LPGAT1: variants seen among roughly 807,000 people sequenced by gnomAD.
LPGAT1 encodes the protein lysophosphatidylglycerol acyltransferase 1.
Under a neutral mutation model 47.5 loss-of-function variants are expected in LPGAT1, and 11 were observed. The observed-to-expected ratio is 0.23, with a 90% CI of 0.15 to 0.38. LPGAT1 has a LOEUF of 0.38. Ranked by LOEUF, LPGAT1 falls within the 10% of genes least tolerant of loss-of-function variation. The pLI is 1.00. For synonymous variants in LPGAT1, 138 were observed against 144.2 expected (o/e 0.96, Z 0.31); for missense variants, 293 against 439.0 (o/e 0.67, Z 2.97).
intron 6 of LPGAT1, among the ~76,000 whole-genome samples, chr1:211,768,503 C>T (rs1658032394): frequency 2.0e-5 from 3 of 152,136 alleles, no homozygotes; most frequent in Non-Finnish European, 4.4e-5. Flanking sequence ...AAAGGAACAA[C>T]ATTTATCGTT....
chr1:211,750,238 C>T (rs1273796183), intron 7 of LPGAT1, among the ~76,000 whole-genome samples, 188 bp from the exon 8 acceptor site: 1 of 152,176 alleles, frequency 6.6e-6, no homozygotes, highest in Non-Finnish European at 1.5e-5. Flanking sequence ...TGCCTCTGAG[C>T]CTTTGCCTTT....
Position 211,756,053 on chromosome 1 carries a change from T to C in LPGAT1, c.855-4986A>G, listed in dbSNP as rs189121873. Among the ~76,000 whole-genome samples the C allele has an allele frequency of 8.5e-4, 129 of 152,222 alleles. 1 individual carries two copies. Among genetic ancestry groups the C allele is most frequent in the African/African-American group, 3.0e-3 (125 of 41,558 alleles). ...GGGTTTGAGACAAGCCTGGCCAATA[T>C]GGTGAAATCCCGTCTCTACTAAAAA... On this transcript the variant is annotated intron_variant, in intron 6 of 7. Coordinates refer to ENST00000366997, the MANE Select transcript of LPGAT1 (RefSeq NM_014873.3).
rs1657005625 is a variant in LPGAT1, at chr1:211,747,867, T to G, written c.*2032A>C. On this transcript the variant is annotated 3_prime_UTR_variant, in exon 8 of 8. Coordinates refer to ENST00000366997, the MANE Select transcript of LPGAT1 (RefSeq NM_014873.3). ...GAAATGCTTAGATTTAAAAAAAAAT[T>G]GCATTTTATAACAACCAGTCCCCAA... 6.6e-6 allele frequency: 1 copy of G among 152,610 alleles called. No homozygotes were observed. Among genetic ancestry groups the G allele is most frequent in the Non-Finnish European group, 1.5e-5 (1 of 68,026 alleles). The allele number at this position is 152,610 out of a possible 1,614,324, so 9.5% of individuals were successfully genotyped here.
chr1:211,787,730 A>G lies in LPGAT1; in HGVS notation c.358-3T>C. The G allele has an allele frequency of 2.6e-6, 4 of 1,567,504 alleles. No homozygotes were observed. The highest frequency in any genetic ancestry group is 3.5e-6 in the Non-Finnish European group (4 of 1,146,462). On this transcript the variant is annotated splice_polypyrimidine_tract_variant and splice_region_variant and intron_variant, in intron 3 of 7. Transcript: ENST00000366997. ...AACCACATCATCTGAGCAACAACCTAAAATATTTAAAAGCAAGAAATAATA... is the reference window on the plus strand; with the variant it reads ...AACCACATCATCTGAGCAACAACCTGAAATATTTAAAAGCAAGAAATAATA...
intron 6 of LPGAT1, among the ~76,000 whole-genome samples, chr1:211,761,648 T>A (rs566657710): frequency 6.6e-6 from 1 of 152,330 alleles, no homozygotes; most frequent in South Asian, 2.1e-4. Flanking sequence ...AATTCCCTTA[T>A]TGTGAAAGTC....
In LPGAT1 at chr1:211,830,045, C is replaced by T. The variant is rs542438014; in HGVS notation, c.-28+528G>A. 2.0e-6 allele frequency: 2 copies of T among 985,572 alleles called. No homozygotes were observed. Among genetic ancestry groups the T allele is most frequent in the African/African-American group, 3.5e-5 (2 of 57,272 alleles). 61.1% of individuals were successfully genotyped at this position (985,572 alleles called of 1,614,324 possible). ...GGATGAAGAGAATGAGATTTCCGAC[C>T]AGAGGGCAAGGAAGCAGGGGATGAT... On this transcript the variant is annotated intron_variant, in intron 1 of 7. Transcript: ENST00000366997. This position sits in a 1 kb window ranked among gnomAD's most constrained non-coding sequence, Gnocchi z 5.9.
intron 4 of LPGAT1, among the ~76,000 whole-genome samples, chr1:211,785,911 T>C (rs1216144642): frequency 6.6e-6 from 1 of 152,126 alleles, no homozygotes; most frequent in Non-Finnish European, 1.5e-5. Flanking sequence ...CCAGCCCCTC[T>C]TCTTGATGCC....
chr1:211,763,572 T>A (rs1657791177), intron 6 of LPGAT1, among the ~76,000 whole-genome samples: 1 of 151,358 alleles, frequency 6.6e-6, no homozygotes, highest in South Asian at 2.1e-4. Context: ...AGATATAGGA[T>A]TTTTTTTACT....
rs1309163808 is a variant in LPGAT1, at chr1:211,830,223, G to A, written c.-28+350C>T. 1.0e-6 allele frequency: 1 copy of A among 983,786 alleles called. No homozygotes were observed. The highest frequency in any genetic ancestry group is 1.2e-6 in the Non-Finnish European group (1 of 829,626). 60.9% of individuals were successfully genotyped at this position (983,786 alleles called of 1,614,324 possible). A position where few individuals can be genotyped will look rare whatever the true frequency, so the allele number is the denominator to read the frequency against. On this transcript the variant is annotated intron_variant, in intron 1 of 7. Coordinates refer to ENST00000366997, the MANE Select transcript of LPGAT1 (RefSeq NM_014873.3). The surrounding 1 kb of genome is among the most constrained non-coding windows in gnomAD (Gnocchi z 5.9). ...CGGCGGGCGGCTGCGGAGAGCGGGGGCGGGTGTCCCCCGCCGAGGGGTCGC... is the reference window on the plus strand; with the variant it reads ...CGGCGGGCGGCTGCGGAGAGCGGGGACGGGTGTCCCCCGCCGAGGGGTCGC...
intron 6 of LPGAT1, among the ~76,000 whole-genome samples, chr1:211,759,257 T>G (rs1330123150): frequency 1.3e-5 from 2 of 152,050 alleles, no homozygotes; most frequent in Non-Finnish European, 2.9e-5. Flanking sequence ...TAATGTCCTT[T>G]TACTATTTTG....
At chr1:211,785,676 G>A (rs914939591) in intron 4 of LPGAT1, among the ~76,000 whole-genome samples, 63 of 149,156 alleles carry the variant, frequency 4.2e-4, no homozygotes, top group Admixed American at 1.1e-3. Flanking sequence ...ACGCAATCTC[G>A]GCCCACTGCA....
intron 2 of LPGAT1, among the ~76,000 whole-genome samples, chr1:211,801,695 G>A (rs954706806): frequency 3.4e-5 from 5 of 148,800 alleles, no homozygotes; most frequent in African/African-American, 4.9e-5. Flanking sequence ...GAGACAGAGC[G>A]AGACCCTGTC....
intron 2 of LPGAT1, among the ~76,000 whole-genome samples, chr1:211,823,283 A>G (rs1558285857): frequency 6.6e-6 from 1 of 152,242 alleles, no homozygotes; most frequent in Non-Finnish European, 1.5e-5. Flanking sequence ...AAGTGACCGA[A>G]GCACTTTGGT....
intron 4 of LPGAT1, among the ~76,000 whole-genome samples, chr1:211,784,852 G>A (rs538927154): frequency 3.4e-5 from 5 of 145,616 alleles, no homozygotes; most frequent in Non-Finnish European, 5.9e-5. Flanking sequence ...TGCCCAGGCT[G>A]GAGTGCAGTG....
At chr1:211,795,592 C>T (rs1216690392) in intron 2 of LPGAT1, among the ~76,000 whole-genome samples, 1 of 152,198 alleles carries the variant, frequency 6.6e-6, no homozygotes, top group Non-Finnish European at 1.5e-5. Context: ...GTCTTCAACT[C>T]CCAACCTCAG....
chr1:211,790,964 T>C (rs965904975), intron 3 of LPGAT1, among the ~76,000 whole-genome samples: 4 of 152,178 alleles, frequency 2.6e-5, no homozygotes, highest in African/African-American at 9.7e-5. Flanking sequence ...TAATTGGAGA[T>C]TCTCTTTTAT....
intron 2 of LPGAT1, among the ~76,000 whole-genome samples, chr1:211,806,336 T>TA (rs949173594): frequency 9.7e-4 from 128 of 132,642 alleles, no homozygotes; most frequent in African/African-American, 1.3e-3. Flanking sequence ...TCCACAGCAA[T>TA]AAAAAAAAAA....
At chr1:211,817,886 G>A (rs1660231471) in intron 2 of LPGAT1, among the ~76,000 whole-genome samples, 1 of 152,098 alleles carries the variant, frequency 6.6e-6, no homozygotes, top group East Asian at 1.9e-4. Flanking sequence ...ACAGGCTGGA[G>A]TGCAGTGGTG....
At chr1:211,778,727 C>G (rs775542002) in intron 6 of LPGAT1, among the ~76,000 whole-genome samples, 191 bp downstream of exon 6, 1 of 152,180 alleles carries the variant, frequency 6.6e-6, no homozygotes. Context: ...TCTAGAATAT[C>G]ACTTTTAGAG....
Sources: gnomAD v4.1 joint callset for allele counts (sites outside exome capture counted in the v4.1 genomes callset) on GRCh38, gnomAD v4.1.1 for gene constraint, Gnocchi (gnomAD v3.1) non-coding constraint, MANE v1.5 for transcripts, NCBI Gene and HGNC (gene_info 2026-07-23, HGNC 2026-07-21) for gene names.